Variants in BPNT1 observed in about 807,000 individuals in gnomAD.
BPNT1 encodes the protein 3'(2'),5'-bisphosphate nucleotidase 1.
BPNT1 carries 28 observed loss-of-function variants against 36.9 expected under a neutral mutation model. That is an observed-to-expected ratio of 0.76 (90% CI 0.56 to 1.04). BPNT1 has a LOEUF of 1.04. Among genes scored for constraint, BPNT1 ranks in the 50% least tolerant of loss-of-function variants. BPNT1 has a pLI of 0.00. For synonymous variants in BPNT1, 119 were observed against 130.9 expected (o/e 0.91, Z 0.62); for missense variants, 313 against 372.9 (o/e 0.84, Z 1.32).
intron 1 of BPNT1, among the ~76,000 whole-genome samples, chr1:220,085,928 G>A (rs1655675915): frequency 6.6e-6 from 1 of 152,144 alleles, no homozygotes; most frequent in Non-Finnish European, 1.5e-5. Context: ...GACCATATGA[G>A]GATTAGGATC....
rs1024570021 is a variant in BPNT1, at chr1:220,073,816, C to G, written c.225+151G>C. On this transcript the variant is annotated intron_variant, in intron 3 of 8. Coordinates refer to ENST00000322067, the MANE Select transcript of BPNT1 (RefSeq NM_006085.6). ...ATGTCTTAAAATCAGATATTTTCCCCAAGTCCAAGGAATACAATAATTACT... is the reference window on the plus strand; with the variant it reads ...ATGTCTTAAAATCAGATATTTTCCCGAAGTCCAAGGAATACAATAATTACT... 4.1e-6 allele frequency: 3 copies of G among 738,898 alleles called. No individual in the cohort carries two copies. The Admixed American group carries it at 8.5e-5, about 21-fold the overall frequency. 45.8% of individuals were successfully genotyped at this position (738,898 alleles called of 1,614,324 possible). A position where few individuals can be genotyped will look rare whatever the true frequency, so the allele number is the denominator to read the frequency against.
intron 6 of BPNT1, chr1:220,065,946 T>C: frequency 1.9e-6 from 1 of 537,652 alleles, no homozygotes; most frequent in Non-Finnish European, 3.1e-6. Flanking sequence ...AGAGAGGTAA[T>C]GAAGAGAAGC....
chr1:220,083,330 CT>C (rs1019468605), intron 1 of BPNT1, among the ~76,000 whole-genome samples: 193 of 144,244 alleles, frequency 1.3e-3, no homozygotes, highest in Middle Eastern at 3.7e-3. Flanking sequence ...ACGGGTTTCT[CT>C]TTTTTTTTTT....
At chr1:220,086,286 T>C (rs1355467182) in intron 1 of BPNT1, among the ~76,000 whole-genome samples, 1 of 152,202 alleles carries the variant, frequency 6.6e-6, no homozygotes, top group Non-Finnish European at 1.5e-5. Context: ...TTTTCTTTTT[T>C]TTGATATGTA....
At chr1:220,066,375 T>C (rs936961876) in intron 6 of BPNT1, among the ~76,000 whole-genome samples, 1 of 152,150 alleles carries the variant, frequency 6.6e-6, no homozygotes, top group Non-Finnish European at 1.5e-5. Context: ...CCCCAGAGAC[T>C]TTCTCAATAA....
intron 6 of BPNT1, among the ~76,000 whole-genome samples, chr1:220,064,922 C>T (rs1330488249): frequency 1.3e-5 from 2 of 152,134 alleles, no homozygotes; most frequent in Non-Finnish European, 2.9e-5. Context: ...ATTCTCTTGC[C>T]TCAGCCTCCT....
chr1:220,079,126 G>A (rs760877598), intron 2 of BPNT1, among the ~76,000 whole-genome samples: 1 of 152,182 alleles, frequency 6.6e-6, no homozygotes, highest in African/African-American at 2.4e-5. Context: ...ACTAAGGATT[G>A]CATGGCACTG....
chr1:220,084,073 A>C (rs1232751928), intron 1 of BPNT1, among the ~76,000 whole-genome samples: 1 of 152,116 alleles, frequency 6.6e-6, no homozygotes, highest in Non-Finnish European at 1.5e-5. Context: ...TGGCTCACGC[A>C]TGTAATCCCA....
In BPNT1 at chr1:220,058,804, C is replaced by T. The variant is rs746702006; in HGVS notation, c.*40G>A. ...TCGGCCTCCCAAAGTGCTGGGATTA[C>T]AGGCATGAGCCACCGCGCCCGGCCA... On this transcript the variant is annotated 3_prime_UTR_variant, in exon 9 of 9. Coordinates refer to ENST00000322067, the MANE Select transcript of BPNT1 (RefSeq NM_006085.6). The T allele has an allele frequency of 2.5e-6, 4 of 1,593,852 alleles. No homozygotes were observed. The highest frequency in any genetic ancestry group is 1.3e-5 in the African/African-American group (1 of 74,430).
chr1:220,065,029 C>T (rs145179990), intron 6 of BPNT1, among the ~76,000 whole-genome samples: 70 of 152,202 alleles, frequency 4.6e-4, no homozygotes, highest in African/African-American at 1.6e-3. Flanking sequence ...AGGCTGGCCT[C>T]GAACTCCTGA....
chr1:220,078,800 G>A (rs895325586), intron 2 of BPNT1, among the ~76,000 whole-genome samples: 1 of 151,818 alleles, frequency 6.6e-6, no homozygotes, highest in Non-Finnish European at 1.5e-5. Flanking sequence ...GTTTCATCAT[G>A]TTGGTCAGAC....
chr1:220,076,210 T>C (rs1664531378), intron 2 of BPNT1, among the ~76,000 whole-genome samples: 1 of 151,760 alleles, frequency 6.6e-6, no homozygotes, highest in African/African-American at 2.4e-5. Flanking sequence ...CTACTAAAAA[T>C]ACAAAATTAG....
intron 1 of BPNT1, among the ~76,000 whole-genome samples, chr1:220,085,593 T>C (rs1422009286): frequency 6.6e-6 from 1 of 152,260 alleles, no homozygotes; most frequent in Non-Finnish European, 1.5e-5. Context: ...TTATTATGAT[T>C]GTCCTTATTT....
At chr1:220,062,063 T>G (rs1029219378) in intron 7 of BPNT1, among the ~76,000 whole-genome samples, 4 of 152,096 alleles carry the variant, frequency 2.6e-5, no homozygotes, top group African/African-American at 9.7e-5. Context: ...ACTTGATTCT[T>G]AAATTTATTT....
intron 7 of BPNT1, among the ~76,000 whole-genome samples, chr1:220,061,545 A>AC (rs886467418): frequency 5.3e-5 from 8 of 151,878 alleles, no homozygotes; most frequent in Non-Finnish European, 7.4e-5. Flanking sequence ...AAAAAAAAAA[A>AC]AAAACAAAAA....
At chr1:220,084,357 A>T (rs759620994) in intron 1 of BPNT1, among the ~76,000 whole-genome samples, 1 of 151,972 alleles carries the variant, frequency 6.6e-6, no homozygotes, top group Non-Finnish European at 1.5e-5. Flanking sequence ...AAAGAAAAAG[A>T]AAAGGAAACA....
rs1662714946 is a variant in BPNT1, at chr1:220,058,457, C to T, written c.*387G>A. Reference sequence around the variant, plus strand: ...GGAACTCTAATTCTACCCAATTAATCTTAAAATGTATTATTTTGAGAACCA... The same window carrying T: ...GGAACTCTAATTCTACCCAATTAATTTTAAAATGTATTATTTTGAGAACCA... On this transcript the variant is annotated 3_prime_UTR_variant, in exon 9 of 9. Transcript: ENST00000322067. The T allele has an allele frequency of 6.2e-6, 6 of 971,604 alleles. No individual in the cohort carries two copies. The highest frequency in any genetic ancestry group is 7.4e-6 in the Non-Finnish European group (6 of 815,216). The allele number at this position is 971,604 out of a possible 1,614,324, so 60.2% of individuals were successfully genotyped here.
chr1:220,082,075 T>TAG (rs1388940398), intron 1 of BPNT1, among the ~76,000 whole-genome samples: 2 of 109,036 alleles, frequency 1.8e-5, no homozygotes, highest in African/African-American at 6.4e-5. Flanking sequence ...TATATATATA[T>TAG]ATATATATAT....
chr1:220,077,456 A>G (rs1664650240), intron 2 of BPNT1, among the ~76,000 whole-genome samples: 1 of 151,886 alleles, frequency 6.6e-6, no homozygotes, highest in Non-Finnish European at 1.5e-5. Flanking sequence ...GCTGGAGTAC[A>G]GTGGTGGGAT....
Sources: gnomAD v4.1 joint callset for allele counts (sites outside exome capture counted in the v4.1 genomes callset) on GRCh38, gnomAD v4.1.1 for gene constraint, MANE v1.5 for transcripts, NCBI Gene and HGNC (gene_info 2026-07-23, HGNC 2026-07-21) for gene names.